Variants in DLGAP1 observed in about 807,000 individuals in gnomAD.
DLGAP1 encodes the protein DLG associated protein 1.
Under a neutral mutation model 90.8 loss-of-function variants are expected in DLGAP1, and 11 were observed. The ratio of observed to expected loss-of-function variants is 0.12; its 90% CI spans 0.08 to 0.20. DLGAP1 has a LOEUF of 0.20. Among genes scored for constraint, DLGAP1 ranks in the 10% least tolerant of loss-of-function variants. The pLI is 1.00. For synonymous variants in DLGAP1, 558 were observed against 540.7 expected (o/e 1.03, Z -0.44); for missense variants, 1,050 against 1,333.8 (o/e 0.79, Z 3.31).
intron 2 of DLGAP1, among the ~76,000 whole-genome samples, chr18:4,111,976 T>G (rs991188790): frequency 1.3e-5 from 2 of 151,126 alleles, no homozygotes; most frequent in Non-Finnish European, 3.0e-5. Context: ...ATTATTTATA[T>G]TTGCTTTAAC....
intron 7 of DLGAP1, among the ~76,000 whole-genome samples, chr18:3,689,160 T>C (rs761771948): frequency 1.1e-4 from 16 of 152,250 alleles, no homozygotes; most frequent in Non-Finnish European, 2.2e-4. Context: ...CTTTGTATTA[T>C]TTATTGTATT....
chr18:4,161,853 C>A lies in DLGAP1; in HGVS notation c.-266-10566G>T, dbSNP rs370858087. On this transcript the variant is annotated intron_variant, in intron 1 of 12. Transcript: ENST00000315677. ...TATCATGCCTCAGATCTAATATAATCATTTCATATATAAGAAAAGCACAGA... is the reference window on the plus strand; with the variant it reads ...TATCATGCCTCAGATCTAATATAATAATTTCATATATAAGAAAAGCACAGA... 8.5e-5 allele frequency among the ~76,000 whole-genome samples: 13 copies of A among 152,264 alleles called. No individual in the cohort carries two copies. The East Asian group carries it at 1.9e-3, about 23-fold the overall frequency.
At chr18:3,999,737 A>G (rs1018069213) in intron 3 of DLGAP1, among the ~76,000 whole-genome samples, 1 of 152,092 alleles carries the variant, frequency 6.6e-6, no homozygotes, top group Non-Finnish European at 1.5e-5. Context: ...GTGGCCCTTC[A>G]CTACAGAGTC....
chr18:4,144,625 G>A (rs1029429406), intron 2 of DLGAP1, among the ~76,000 whole-genome samples: 6 of 152,076 alleles, frequency 3.9e-5, no homozygotes, highest in Admixed American at 6.5e-5. Context: ...GCAGATAGTC[G>A]CTTAATGTGG....
chr18:3,771,460 C>A (rs62083251), intron 5 of DLGAP1: 3 of 152,360 alleles, frequency 2.0e-5, no homozygotes, highest in Non-Finnish European at 4.4e-5. Flanking sequence ...CCCGGAGACG[C>A]GCTCGGCCCG....
intron 1 of DLGAP1, among the ~76,000 whole-genome samples, chr18:4,389,071 T>C (rs1489334410): frequency 1.3e-5 from 2 of 152,168 alleles, no homozygotes; most frequent in Non-Finnish European, 2.9e-5. Flanking sequence ...ATGTTCATAG[T>C]AGCACTATTC....
chr18:3,614,912 T>A (rs1198580367), intron 7 of DLGAP1, among the ~76,000 whole-genome samples: 2 of 151,724 alleles, frequency 1.3e-5, no homozygotes, highest in African/African-American at 4.8e-5. Context: ...AAATAATTTA[T>A]TTTTATTTTA....
At chr18:4,197,188 T>TGAAAAAAAAAA (rs2077514609) in intron 1 of DLGAP1, among the ~76,000 whole-genome samples, 1 of 73,752 alleles carries the variant, frequency 1.4e-5, no homozygotes, top group Non-Finnish European at 2.6e-5. Context: ...TAAAAAAAAG[T>TGAAAAAAAAAA]AAAAAAAAAA....
At chr18:3,790,774 C>T (rs995965657) in intron 5 of DLGAP1, among the ~76,000 whole-genome samples, 1 of 152,042 alleles carries the variant, frequency 6.6e-6, no homozygotes, top group African/African-American at 2.4e-5. Context: ...GTGGATAGTG[C>T]ATTTGTGGCG....
At chr18:3,602,720 T>C (rs116227066) in intron 7 of DLGAP1, among the ~76,000 whole-genome samples, 9,699 of 151,960 alleles carry the variant, frequency 0.064, 773 homozygotes, top group African/African-American at 0.19. Context: ...TGCCTCCTGG[T>C]GCGGATTATA....
At chr18:4,140,483 A>G (rs772140168) in intron 2 of DLGAP1, among the ~76,000 whole-genome samples, 6 of 152,022 alleles carry the variant, frequency 3.9e-5, no homozygotes, top group Admixed American at 1.3e-4. Context: ...TCTACTGTCT[A>G]TATCTTGAAA....
At chr18:4,339,569 C>CAAT in intron 1 of DLGAP1, among the ~76,000 whole-genome samples, 1 of 152,224 alleles carries the variant, frequency 6.6e-6, no homozygotes, top group South Asian at 2.1e-4. Context: ...TCTGATCACA[C>CAAT]AATAATGAGC....
chr18:4,367,911 C>T (rs780554000), intron 1 of DLGAP1, among the ~76,000 whole-genome samples: 27 of 151,834 alleles, frequency 1.8e-4, no homozygotes, highest in Non-Finnish European at 2.8e-4. Flanking sequence ...TAGTTGGCCA[C>T]GTATTTTCTC....
chr18:3,508,230 A>AT (rs2050353287), intron 11 of DLGAP1, among the ~76,000 whole-genome samples: 1 of 152,226 alleles, frequency 6.6e-6, no homozygotes, highest in South Asian at 2.1e-4. Flanking sequence ...GGGCAATATT[A>AT]TTTTTGAAAT....
At chr18:4,380,998 A>T (rs1041251195) in intron 1 of DLGAP1, among the ~76,000 whole-genome samples, 1 of 152,208 alleles carries the variant, frequency 6.6e-6, no homozygotes, top group African/African-American at 2.4e-5. Context: ...TTTAGCTGAC[A>T]ATCAAGAATA....
At chr18:4,346,242 A>AAAAGGACATCAGATTTTTTTTT (rs1312043994) in intron 1 of DLGAP1, among the ~76,000 whole-genome samples, 1 of 152,192 alleles carries the variant, frequency 6.6e-6, no homozygotes, top group Non-Finnish European at 1.5e-5. Context: ...ATAAGTAAAA[A>AAAAGGACATCAGATTTTTTTTT]AAAGGACATC....
chr18:4,175,485 C>G (rs1189905559), intron 1 of DLGAP1, among the ~76,000 whole-genome samples: 1 of 152,176 alleles, frequency 6.6e-6, no homozygotes, highest in Non-Finnish European at 1.5e-5. Flanking sequence ...GTCATGAAAT[C>G]TTTGCCCATG....
At chr18:3,712,743 T>C (rs530750007) in intron 7 of DLGAP1, among the ~76,000 whole-genome samples, 24 of 152,246 alleles carry the variant, frequency 1.6e-4, no homozygotes, top group African/African-American at 3.8e-4. Flanking sequence ...ACAGTGCATA[T>C]GGGAAAATGA....
chr18:4,330,216 T>TGCACTAAACCTGAGAATGTAAAAA (rs2080916694), intron 1 of DLGAP1, among the ~76,000 whole-genome samples: 3 of 149,676 alleles, frequency 2.0e-5, no homozygotes, highest in African/African-American at 7.6e-5. Flanking sequence ...GATACTCATA[T>TGCACTAAACCTGAGAATGTAAAAA]AATTTTCTTG....
Sources: allele counts gnomAD v4.1 joint callset (sites outside exome capture counted in the v4.1 genomes callset), GRCh38; gene constraint gnomAD v4.1.1; transcripts MANE v1.5; gene names NCBI Gene and HGNC (gene_info 2026-07-23, HGNC 2026-07-21).